The following INSR variants were observed in gnomAD, a reference collection of about 807,000 sequenced individuals.
INSR encodes the protein IR.
Under a neutral mutation model 142.6 loss-of-function variants are expected in INSR, and 67 were observed. The observed-to-expected ratio is 0.47, with a 90% confidence interval of 0.39 to 0.58. The LOEUF (loss-of-function observed/expected upper bound fraction) is 0.58, where lower values mean the gene tolerates loss of function less well. Ranked by LOEUF, INSR falls within the 20% of genes least tolerant of loss-of-function variation. The probability of loss-of-function intolerance (pLI) is 0.00; values close to 1 mark genes in which losing one functional copy is unlikely to be tolerated. For missense variants in INSR, 1,248 were observed against 1,833.2 expected, an observed-to-expected ratio of 0.68 and a Z score of 5.83; for synonymous variants, 756 against 743.1, an observed-to-expected ratio of 1.02 and a Z score of -0.28.
At chr19:7,161,077 C>A (rs1450507897) in intron 9 of INSR, among the ~76,000 whole-genome samples, 3 of 148,786 alleles carry the variant, frequency 2.0e-5, no homozygotes, top group Non-Finnish European at 3.0e-5. Flanking sequence ...AAATATTATT[C>A]CATTTTCCTT....
intron 11 of INSR, among the ~76,000 whole-genome samples, chr19:7,147,150 C>T (rs1447052348): frequency 1.3e-5 from 2 of 151,762 alleles, no homozygotes; most frequent in South Asian, 2.1e-4. Context: ...TGCTTTGGCC[C>T]GATAGATATG....
intron 13 of INSR, 74 bp from the exon 14 acceptor site, chr19:7,132,391 G>T: frequency 6.6e-7 from 1 of 1,524,352 alleles, no homozygotes. Flanking sequence ...CTCGCAGGGA[G>T]CTCACAGCCA....
chr19:7,246,172 C>T (rs1976531727), intron 2 of INSR, among the ~76,000 whole-genome samples: 2 of 152,084 alleles, frequency 1.3e-5, no homozygotes, highest in South Asian at 4.1e-4. Flanking sequence ...GCAAACAGGG[C>T]CACAAATTCT....
chr19:7,152,432 G>C, intron 10 of INSR: 2 of 447,766 alleles, frequency 4.5e-6, no homozygotes, highest in South Asian at 4.3e-5. Flanking sequence ...ATCGTCTAAC[G>C]GAGTTTGTTT....
chr19:7,270,914 T>C (rs1967906837), intron 1 of INSR, among the ~76,000 whole-genome samples: 1 of 151,176 alleles, frequency 6.6e-6, no homozygotes, highest in Non-Finnish European at 1.5e-5. Flanking sequence ...ACAAAAAAAT[T>C]AGCCAGGCGT....
At chr19:7,209,253 A>T (rs1489546545) in intron 2 of INSR, among the ~76,000 whole-genome samples, 1 of 152,160 alleles carries the variant, frequency 6.6e-6, no homozygotes, top group Non-Finnish European at 1.5e-5. Context: ...TTGTGCCCAG[A>T]AGGTCAAGGC....
intron 2 of INSR, among the ~76,000 whole-genome samples, chr19:7,232,905 C>A (rs1976030465): frequency 6.6e-6 from 1 of 152,156 alleles, no homozygotes; most frequent in Non-Finnish European, 1.5e-5. Context: ...ACAATGCTAG[C>A]AACAATGTAA....
intron 11 of INSR, among the ~76,000 whole-genome samples, chr19:7,147,920 A>ATT (rs112216137): frequency 5.4e-5 from 8 of 148,820 alleles, no homozygotes; most frequent in South Asian, 2.1e-4. Context: ...GCATCAACTG[A>ATT]TTTTTTTTTT....
intron 4 of INSR, 108 bp from the exon 5 acceptor site, chr19:7,172,542 C>A (rs1459184790): frequency 3.3e-6 from 4 of 1,221,304 alleles, no homozygotes; most frequent in Non-Finnish European, 3.6e-6. Flanking sequence ...ACTGGACATA[C>A]CCAGCTCAAA....
chr19:7,191,226 G>A (rs980970093), intron 2 of INSR, among the ~76,000 whole-genome samples: 7 of 152,044 alleles, frequency 4.6e-5, no homozygotes, highest in Non-Finnish European at 7.4e-5. Context: ...GAACCCGGGA[G>A]GCGGGGGTTG....
At position 7,159,585 on chromosome 19, in the gene INSR, G is replaced by A. The variant is rs1436328941; in HGVS notation, c.2029+3447C>T. On this transcript the variant is annotated intron_variant, in intron 9 of 21. Coordinates refer to ENST00000302850, the MANE Select transcript of INSR (RefSeq NM_000208.4). This position sits in a 1 kb window ranked among gnomAD's most constrained non-coding sequence, Gnocchi z 4.3. ...ATTACTGGTGGCAGCTCTCACGGGT[G>A]GTTCTGGTTACTTGAATGCAGGGCC... is the stretch of plus-strand genomic sequence containing the variant. 6.6e-6 allele frequency: 1 copy of A among 151,882 alleles called. No homozygotes were observed. The highest frequency in any genetic ancestry group is 1.5e-5 in the Non-Finnish European group (1 of 68,022). 9.4% of individuals were successfully genotyped at this position (151,882 alleles called of 1,614,324 possible). A position where few individuals can be genotyped will look rare whatever the true frequency, so the allele number is the denominator to read the frequency against.
chr19:7,255,761 G>T, intron 2 of INSR, among the ~76,000 whole-genome samples: 1 of 151,650 alleles, frequency 6.6e-6, no homozygotes, highest in East Asian at 1.9e-4. Context: ...AAAATTTTTT[G>T]TAGAGATGGG....
intron 6 of INSR, among the ~76,000 whole-genome samples, chr19:7,170,301 GGACC>G: frequency 6.6e-6 from 1 of 151,430 alleles, no homozygotes; most frequent in East Asian, 1.9e-4. Context: ...CCCCCAGCTG[GGACC>G]ATCTAGTTGC....
At chr19:7,184,662 G>T in intron 2 of INSR, 25 bp from the exon 3 acceptor site, 2 of 982,332 alleles carry the variant, frequency 2.0e-6, no homozygotes, top group Non-Finnish European at 1.4e-6. Flanking sequence ...AGAGAGAGAG[G>T]GAAATAAATA....
chr19:7,198,173 T>G (rs554289608), intron 2 of INSR, among the ~76,000 whole-genome samples: 33 of 151,782 alleles, frequency 2.2e-4, no homozygotes, highest in Admixed American at 2.0e-3. Flanking sequence ...CGCACTCCGC[T>G]CCGGGGAATC....
chr19:7,217,351 T>TC (rs1337835876), intron 2 of INSR, among the ~76,000 whole-genome samples: 1 of 152,066 alleles, frequency 6.6e-6, no homozygotes, highest in Non-Finnish European at 1.5e-5. Flanking sequence ...TCTAGGATCA[T>TC]CCCCCCGTCT....
intron 2 of INSR, among the ~76,000 whole-genome samples, chr19:7,197,460 A>AG (rs1275568259): frequency 1.3e-5 from 2 of 151,582 alleles, no homozygotes; most frequent in Non-Finnish European, 2.9e-5. Flanking sequence ...GCGGGGTCCC[A>AG]GGGGTCTCCT....
chr19:7,189,110 G>A (rs1005037355), intron 2 of INSR, among the ~76,000 whole-genome samples: 18 of 152,064 alleles, frequency 1.2e-4, no homozygotes, highest in African/African-American at 1.7e-4. Flanking sequence ...TCAATTGAAG[G>A]AAGCAATATA....
At chr19:7,250,463 AAAG>A (rs1160950131) in intron 2 of INSR, among the ~76,000 whole-genome samples, 2 of 75,088 alleles carry the variant, frequency 2.7e-5, no homozygotes, top group East Asian at 7.2e-4. Flanking sequence ...AAAAGGAAGA[AAAG>A]AAAGAAAGAA....
Sources: allele counts gnomAD v4.1 joint callset (sites outside exome capture counted in the v4.1 genomes callset), GRCh38; gene constraint gnomAD v4.1.1; non-coding constraint Gnocchi (gnomAD v3.1); transcripts MANE v1.5; gene names NCBI Gene and HGNC (gene_info 2026-07-23, HGNC 2026-07-21).